NXPE2: variants seen among roughly 807,000 people sequenced by gnomAD.
The protein encoded by NXPE2 is neurexophilin and PC-esterase domain family member 2, also known as NXPE family member 2.
A neutral mutation model predicts 34.4 loss-of-function variants in NXPE2; 34 were observed. That is an observed-to-expected ratio of 0.99 (90% confidence interval 0.75 to 1.31). The LOEUF is 1.31. NXPE2 is among the 40% of genes most tolerant of loss of function. NXPE2 has a pLI of 0.00. For synonymous variants in NXPE2, 235 were observed against 231.3 expected (o/e 1.02, Z -0.15); for missense variants, 649 against 672.5 (o/e 0.97, Z 0.39).
chr11:114,631,290 T>C, the NXPE2 span, among the ~76,000 whole-genome samples: 2 of 151,668 alleles, frequency 1.3e-5, no homozygotes, highest in African/African-American at 2.4e-5. Flanking sequence ...CCAACAATGA[T>C]AGACTGGATT....
At chr11:114,606,405 G>A in the NXPE2 span, among the ~76,000 whole-genome samples, 21 of 150,808 alleles carry the variant, frequency 1.4e-4, no homozygotes, top group African/African-American at 4.4e-4. Flanking sequence ...ACTGTTACCC[G>A]GTGGATAATA....
the NXPE2 span, among the ~76,000 whole-genome samples, chr11:114,547,857 T>A: frequency 1.3e-5 from 2 of 152,212 alleles, no homozygotes; most frequent in Non-Finnish European, 2.9e-5. Flanking sequence ...AGTATCAGTA[T>A]GGTTTTATTG....
At chr11:114,555,731 A>G in the NXPE2 span, among the ~76,000 whole-genome samples, 2 of 152,204 alleles carry the variant, frequency 1.3e-5, no homozygotes, top group African/African-American at 4.8e-5. Context: ...TTTTGGCACT[A>G]CAGATGAGAT....
chr11:114,715,459 A>G, the NXPE2 span, among the ~76,000 whole-genome samples: 2 of 152,218 alleles, frequency 1.3e-5, no homozygotes, highest in African/African-American at 2.4e-5. Context: ...TTTACATTCA[A>G]TAATTCACTC....
chr11:114,781,585 A>T, the NXPE2 span, among the ~76,000 whole-genome samples: 6 of 152,144 alleles, frequency 3.9e-5, no homozygotes, highest in Non-Finnish European at 5.9e-5. Context: ...AAAGCAGAGG[A>T]TAGAAAATAT....
At chr11:114,682,264 G>A (rs1465017193) in intron 2 of NXPE2, among the ~76,000 whole-genome samples, 2 of 152,058 alleles carry the variant, frequency 1.3e-5, no homozygotes, top group Non-Finnish European at 2.9e-5. Context: ...TCTGACATAG[G>A]GGCCCACATG....
At chr11:114,727,826 C>T in the NXPE2 span, among the ~76,000 whole-genome samples, 1 of 138,098 alleles carries the variant, frequency 7.2e-6, no homozygotes, top group Non-Finnish European at 1.6e-5. Flanking sequence ...CATATCTTTC[C>T]CCTTCTCTTC....
chr11:114,630,280 A>T, the NXPE2 span, among the ~76,000 whole-genome samples: 2 of 151,842 alleles, frequency 1.3e-5, no homozygotes, highest in East Asian at 1.9e-4. Flanking sequence ...CTATACTAAA[A>T]GGCTACAGTA....
chr11:114,629,509 T>G, the NXPE2 span, among the ~76,000 whole-genome samples: 4 of 151,500 alleles, frequency 2.6e-5, no homozygotes, highest in Non-Finnish European at 4.4e-5. Flanking sequence ...TAGGTATTGA[T>G]GGGACATATC....
chr11:114,553,803 G>A, the NXPE2 span: 1 of 974,886 alleles, frequency 1.0e-6, no homozygotes, highest in Non-Finnish European at 1.2e-6. Context: ...GCTTATGAAA[G>A]CCTATTCATG....
the NXPE2 span, among the ~76,000 whole-genome samples, chr11:114,626,118 C>T: frequency 3.3e-5 from 5 of 152,102 alleles, no homozygotes; most frequent in African/African-American, 9.7e-5. Flanking sequence ...CGCCATTGCC[C>T]AGGCTTGCTT....
At chr11:114,543,992 A>G in the NXPE2 span, among the ~76,000 whole-genome samples, 1 of 152,208 alleles carries the variant, frequency 6.6e-6, no homozygotes, top group Non-Finnish European at 1.5e-5. Context: ...CAATAGCACC[A>G]AAAAAGTGAA....
chr11:114,715,803 G>A, the NXPE2 span, among the ~76,000 whole-genome samples: 1 of 152,140 alleles, frequency 6.6e-6, no homozygotes. Context: ...CTTCATAGAT[G>A]ACCTCAGACC....
the NXPE2 span, chr11:114,570,789 G>A: frequency 1.8e-6 from 1 of 563,846 alleles, no homozygotes. Flanking sequence ...ATCTCATTTA[G>A]CTGAATTGGT....
the NXPE2 span, among the ~76,000 whole-genome samples, chr11:114,470,833 G>A: frequency 2.6e-5 from 4 of 152,056 alleles, no homozygotes; most frequent in Non-Finnish European, 2.9e-5. Context: ...GTCTATCTAC[G>A]TTATGGAGAG....
the NXPE2 span, among the ~76,000 whole-genome samples, chr11:114,719,141 T>A: frequency 3.3e-5 from 5 of 152,212 alleles, no homozygotes; most frequent in Admixed American, 6.5e-5. Flanking sequence ...TTCAATTATA[T>A]CCTCAAACCT....
chr11:114,769,903 A>G, the NXPE2 span, among the ~76,000 whole-genome samples: 2 of 152,210 alleles, frequency 1.3e-5, no homozygotes, highest in Non-Finnish European at 2.9e-5. Flanking sequence ...TGGCACATGT[A>G]CATCTATGTA....
At chr11:114,804,848 G>C in the NXPE2 span, among the ~76,000 whole-genome samples, 5 of 152,170 alleles carry the variant, frequency 3.3e-5, no homozygotes, top group Non-Finnish European at 7.4e-5. Context: ...AAAGGCTTCA[G>C]ATGGAAAGAA....
chr11:114,532,781 T>A, the NXPE2 span, among the ~76,000 whole-genome samples: 3 of 152,168 alleles, frequency 2.0e-5, no homozygotes, highest in South Asian at 2.1e-4. Flanking sequence ...TATACAGGTG[T>A]GTGTGCATTT....
Sources: gnomAD v4.1 joint callset for allele counts (sites outside exome capture counted in the v4.1 genomes callset) on GRCh38, gnomAD v4.1.1 for gene constraint, MANE v1.5 for transcripts, NCBI Gene and HGNC (gene_info 2026-07-23, HGNC 2026-07-21) for gene names.